Variants in MBD5 observed in about 807,000 individuals in gnomAD.
MBD5 encodes the protein methyl-CpG-binding domain protein 5.
In MBD5, 13 loss-of-function variants were observed where a neutral mutation model predicts 117.3. That is an observed-to-expected ratio of 0.11 (90% CI 0.07 to 0.18). The LOEUF (loss-of-function observed/expected upper bound fraction) is 0.18. Ranked by LOEUF, MBD5 falls within the 10% of genes least tolerant of loss-of-function variation. MBD5 has a pLI of 1.00. For synonymous variants in MBD5, 727 were observed against 766.4 expected (o/e 0.95, Z 0.85); for missense variants, 1,879 against 2,093.8 (o/e 0.90, Z 2.00).
intron 3 of MBD5, among the ~76,000 whole-genome samples, chr2:148,291,563 T>G (rs779500872): frequency 2.0e-5 from 3 of 152,214 alleles, no homozygotes; most frequent in Non-Finnish European, 4.4e-5. Context: ...AGAAAATGAT[T>G]GATTTTTGTA....
At chr2:148,171,232 C>T (rs576607853) in intron 1 of MBD5, among the ~76,000 whole-genome samples, 1 of 152,272 alleles carries the variant, frequency 6.6e-6, no homozygotes, top group South Asian at 2.1e-4. Context: ...CAAATATCCT[C>T]AACAAAATAC....
intron 1 of MBD5, among the ~76,000 whole-genome samples, chr2:148,153,054 G>T (rs1384561850): frequency 1.3e-5 from 2 of 151,734 alleles, no homozygotes; most frequent in African/African-American, 4.8e-5. Flanking sequence ...TTACATTTTG[G>T]CATGATTTTG....
intron 1 of MBD5, among the ~76,000 whole-genome samples, chr2:148,131,319 A>G (rs1697042401): frequency 1.3e-5 from 2 of 152,194 alleles, no homozygotes; most frequent in Non-Finnish European, 2.9e-5. Flanking sequence ...TGAGTGGTCT[A>G]TAAATCTTGA....
intron 1 of MBD5, among the ~76,000 whole-genome samples, chr2:148,102,737 G>C (rs879558914): frequency 0.1 from 5,433 of 54,112 alleles, 109 homozygotes; most frequent in East Asian, 0.21. Context: ...CACAGAGAGA[G>C]AGAGAGAGAG....
intron 4 of MBD5, among the ~76,000 whole-genome samples, chr2:148,428,431 T>C (rs1457214592): frequency 6.6e-6 from 1 of 152,136 alleles, no homozygotes; most frequent in African/African-American, 2.4e-5. Flanking sequence ...CAAAGTAATT[T>C]ATAGATTCAA....
At chr2:148,292,028 C>G (rs1413104004) in intron 3 of MBD5, among the ~76,000 whole-genome samples, 1 of 152,168 alleles carries the variant, frequency 6.6e-6, no homozygotes, top group Non-Finnish European at 1.5e-5. Context: ...AAGAATGAAA[C>G]TAGACCCCTA....
At chr2:148,258,104 G>C (rs1377305115) in intron 3 of MBD5, among the ~76,000 whole-genome samples, 1 of 152,098 alleles carries the variant, frequency 6.6e-6, no homozygotes, top group Non-Finnish European at 1.5e-5. Flanking sequence ...AGTATTGATG[G>C]GTGGAAGTAA....
At chr2:148,411,512 C>CTTTTTTTTTTTTTTTTTT (rs1188326755) in intron 4 of MBD5, among the ~76,000 whole-genome samples, 2 of 97,448 alleles carry the variant, frequency 2.1e-5, no homozygotes, top group Admixed American at 1.3e-4. Flanking sequence ...AGCATCTGTT[C>CTTTTTTTTTTTTTTTTTT]TTTTTTTTTT....
intron 2 of MBD5, among the ~76,000 whole-genome samples, chr2:148,202,858 T>G (rs1349481333): frequency 6.6e-6 from 1 of 151,908 alleles, no homozygotes; most frequent in Non-Finnish European, 1.5e-5. Context: ...TGAGAACCCA[T>G]CTCTTAAATA....
chr2:148,091,600 GC>G (rs1695945876), intron 1 of MBD5, among the ~76,000 whole-genome samples: 1 of 152,106 alleles, frequency 6.6e-6, no homozygotes, highest in African/African-American at 2.4e-5. Context: ...TAATTGGCAA[GC>G]CACATTTAGA....
At chr2:148,098,611 A>G (rs1421290570) in intron 1 of MBD5, among the ~76,000 whole-genome samples, 1 of 152,166 alleles carries the variant, frequency 6.6e-6, no homozygotes, top group Non-Finnish European at 1.5e-5. Flanking sequence ...TGAGCTTTTC[A>G]TAAATATCAT....
At chr2:148,278,547 TTAA>T (rs1229749569) in intron 3 of MBD5, among the ~76,000 whole-genome samples, 3 of 152,216 alleles carry the variant, frequency 2.0e-5, no homozygotes, top group African/African-American at 4.8e-5. Flanking sequence ...GGCCATCATT[TTAA>T]AAATCTTCAT....
In MBD5 at chr2:148,336,174, G is replaced by C. The variant is rs146067727; in HGVS notation, c.-679-6040G>C. On this transcript the variant is annotated intron_variant, in intron 3 of 13. Transcript: ENST00000642680. ...ACACCCCTAAGAGCTGGCTATGTAA[G>C]TTTAAGTTTTGTAGTTATTGATCTT... Among the ~76,000 whole-genome samples the C allele has an allele frequency of 1.7e-3, 256 of 152,280 alleles. 1 individual carries two copies. The highest frequency in any genetic ancestry group is 5.7e-3 in the African/African-American group (239 of 41,568).
intron 2 of MBD5, among the ~76,000 whole-genome samples, chr2:148,191,798 A>C (rs1698837165): frequency 8.4e-6 from 1 of 118,628 alleles, no homozygotes; most frequent in Admixed American, 8.9e-5. Context: ...AAAACCCTTC[A>C]AAAAATCAAT....
At chr2:148,510,259 A>G (rs1306968121) in intron 13 of MBD5, 124 bp downstream of exon 13, 16 of 679,236 alleles carry the variant, frequency 2.4e-5, no homozygotes, top group South Asian at 2.1e-4. Context: ...ACTAGCCTAG[A>G]AAAAAAAGAC....
chr2:148,174,642 C>G (rs1423876725), intron 1 of MBD5, among the ~76,000 whole-genome samples: 1 of 151,624 alleles, frequency 6.6e-6, no homozygotes, highest in Admixed American at 6.6e-5. Flanking sequence ...GGAAACGGAC[C>G]TGAATATACA....
In MBD5 at chr2:148,490,376, G is replaced by A. The variant is rs1325177587; in HGVS notation, c.4744G>A (p.Val1582Met). 20 of 1,614,036 alleles carry A rather than the reference G, an allele frequency of 1.2e-5. No homozygotes were observed. In the East Asian group the frequency reaches 4.5e-4, roughly 36 times the overall value. The part of the protein sequence containing the change: ...DFNAKSVNGC[V>M]PSPSDAKSIS... ...TAATGCCAAAAGCGTTAATGGGTGT[G>A]TGCCTAGCCCTTCAGATGCTAAAAG... The change falls in exon 11 of 14, where the codon GTG becomes ATG. Residue 1582 changes from valine to methionine, a missense_variant. Physicochemically the swap from Val to Met is conservative, Grantham distance 21. This residue lies in a region of MBD5 where 1,666 missense variants were observed against 1,792.2 expected (regional missense o/e 0.93). Coordinates refer to ENST00000642680, the MANE Select transcript of MBD5 (RefSeq NM_001378120.1).
intron 1 of MBD5, among the ~76,000 whole-genome samples, chr2:148,126,323 T>C (rs1023708968): frequency 2.7e-5 from 4 of 150,642 alleles, no homozygotes; most frequent in African/African-American, 9.8e-5. Context: ...GGAGAATCGC[T>C]TGAACCCAGG....
chr2:148,308,575 T>A (rs549551180), intron 3 of MBD5, among the ~76,000 whole-genome samples: 4 of 145,928 alleles, frequency 2.7e-5, no homozygotes, highest in Non-Finnish European at 6.0e-5. Context: ...GGTGAATAGG[T>A]TGCAAACATT....
Sources: gnomAD v4.1 joint callset for allele counts (sites outside exome capture counted in the v4.1 genomes callset) on GRCh38, gnomAD v4.1.1 for gene constraint, gnomAD v4.1.1 regional missense constraint, MANE v1.5 for transcripts, NCBI Gene and HGNC (gene_info 2026-07-23, HGNC 2026-07-21) for gene names.